PCDHGA4: variants seen among roughly 807,000 people sequenced by gnomAD.
PCDHGA4 encodes the protein protocadherin gamma-A4.
PCDHGA4 carries 38 observed loss-of-function variants against 54.6 expected under a neutral mutation model. The ratio of observed to expected loss-of-function variants is 0.70; its 90% CI spans 0.54 to 0.91. PCDHGA4 has a LOEUF of 0.91. Ranked by LOEUF, PCDHGA4 falls within the 40% of genes least tolerant of loss-of-function variation. The pLI, the probability that PCDHGA4 is intolerant of heterozygous loss-of-function variation, is 0.00. For missense variants in PCDHGA4, 1,298 were observed against 1,220.9 expected (o/e 1.06, Z -0.94); for synonymous variants, 511 against 512.9 (o/e 1.00, Z 0.05).
At chr5:141,414,239 C>T in intron 1 of PCDHGA4, 1 of 1,613,498 alleles carries the variant, frequency 6.2e-7, no homozygotes, top group Non-Finnish European at 8.5e-7. Context: ...ACCATCACGT[C>T]TCTATTTAGT....
At position 141,431,555 on chromosome 5, in the gene PCDHGA4, G is replaced by A. The variant is rs2097394199; in HGVS notation, c.2515-63252G>A. On this transcript the variant is annotated intron_variant, in intron 1 of 3. Transcript: ENST00000571252. This position sits in a 1 kb window ranked among gnomAD's most constrained non-coding sequence, Gnocchi z 4.8. The stretch of plus-strand genomic sequence containing the variant: ...GGGCACGCAGCTGCTTGTAGTCAAC[G>A]CTACCGACCCTGACGAAGGAGTCAA... 1 of 1,614,014 alleles carries A rather than the reference G, an allele frequency of 6.2e-7. No individual in the cohort carries two copies. The highest frequency in any genetic ancestry group is 8.5e-7 in the Non-Finnish European group (1 of 1,180,032).
intron 1 of PCDHGA4, chr5:141,392,972 G>C (rs2092640426): frequency 6.2e-7 from 1 of 1,613,802 alleles, no homozygotes; most frequent in African/African-American, 1.3e-5. Context: ...AGGACCTGGG[G>C]CTGGACCCCC....
Position 141,491,713 on chromosome 5 carries a change from G to T in PCDHGA4, c.2515-3094G>T. The T allele has an allele frequency of 6.2e-7, 1 of 1,609,174 alleles. No individual in the cohort carries two copies. The highest frequency in any genetic ancestry group is 8.5e-7 in the Non-Finnish European group (1 of 1,178,054). On this transcript the variant is annotated intron_variant, in intron 1 of 3. Transcript: ENST00000571252. The surrounding 1 kb of genome is among the most constrained non-coding windows in gnomAD (Gnocchi z 6.9). ...GGAGCGGAGCCAGGTGAGGGGCTCG[G>T]CGCCGCCCCGGGCGACCCCTGGGGG...
rs571977774 is a variant in PCDHGA4 at position 141,375,523 on chromosome 5, C to G, written c.2514+17902C>G. ...TCTCTGTGAATGCACTGGACCCTGA[C>G]GTGGACCAGAACGCCCAAGTCTCCT... On this transcript the variant is annotated intron_variant, in intron 1 of 3. Coordinates refer to ENST00000571252, the MANE Select transcript of PCDHGA4 (RefSeq NM_018917.4). The G allele has an allele frequency of 1.6e-4, 253 of 1,614,032 alleles. 3 individuals are homozygous for G. The Admixed American group carries it at 4.2e-3, about 27-fold the overall frequency.
At position 141,511,462 on chromosome 5, in the gene PCDHGA4, C is replaced by A. The variant is rs1385398410; in HGVS notation, c.*289C>A. ...AGACACCAAGAACCATTTGCCACAC[C>A]CCGTTTAGTTACAGCTGAACTCCTC... On this transcript the variant is annotated 3_prime_UTR_variant, in exon 4 of 4. Coordinates refer to ENST00000571252, the MANE Select transcript of PCDHGA4 (RefSeq NM_018917.4). The A allele has an allele frequency of 4.7e-5, 26 of 556,350 alleles. No individual in the cohort carries two copies. Among genetic ancestry groups the A allele is most frequent in the Non-Finnish European group, 9.1e-6 (3 of 329,202 alleles). 34.5% of individuals were successfully genotyped at this position (556,350 alleles called of 1,614,324 possible). A position where few individuals can be genotyped will look rare whatever the true frequency, so the allele number is the denominator to read the frequency against.
intron 1 of PCDHGA4, chr5:141,399,180 G>T (rs1454578078): frequency 3.7e-6 from 6 of 1,613,798 alleles, no homozygotes; most frequent in Admixed American, 1.7e-5. Flanking sequence ...TACTTGAAAT[G>T]ATTCTGGAAA....
chr5:141,356,631 AG>A lies in PCDHGA4; in HGVS notation c.1525del (p.Asp509ThrfsTer54), dbSNP rs769542220. On this transcript the variant is annotated frameshift_variant, in exon 1 of 4. Coordinates refer to ENST00000571252, the MANE Select transcript of PCDHGA4 (RefSeq NM_018917.4). LOFTEE classifies it high-confidence loss of function. ...GASILSMTAQ[D>X]PDSGDNARIT... ...CCTCCATCTTATCTATGACTGCTCAAGACCCTGACAGTGGTGACAATGCCCG... is the reference window on the plus strand; with the variant it reads ...CCTCCATCTTATCTATGACTGCTCAAACCCTGACAGTGGTGACAATGCCCG... 2 of 1,614,168 alleles carry A rather than the reference AG, an allele frequency of 1.2e-6. No individual in the cohort carries two copies. Among genetic ancestry groups the A allele is most frequent in the Non-Finnish European group, 1.7e-6 (2 of 1,179,994 alleles).
At chr5:141,466,279 T>A (rs1386803685) in intron 1 of PCDHGA4, among the ~76,000 whole-genome samples, 1 of 152,144 alleles carries the variant, frequency 6.6e-6, no homozygotes, top group Non-Finnish European at 1.5e-5. Flanking sequence ...CAAGCAATCT[T>A]CCCACCTCAG....
chr5:141,451,565 C>A (rs1336048717), intron 1 of PCDHGA4, among the ~76,000 whole-genome samples: 2 of 152,062 alleles, frequency 1.3e-5, no homozygotes, highest in South Asian at 2.1e-4. Flanking sequence ...AAGCCACAAT[C>A]TTTTTATAAA....
At chr5:141,404,861 G>A in intron 1 of PCDHGA4, 1 of 1,613,848 alleles carries the variant, frequency 6.2e-7, no homozygotes, top group Non-Finnish European at 8.5e-7. Context: ...AGATAGAGAT[G>A]CGCTCAAACA....
At position 141,356,888 on chromosome 5, in the gene PCDHGA4, T is replaced by C; in HGVS notation, c.1781T>C (p.Leu594Pro). Residue 594 changes from leucine (L) to proline (P), a missense_variant, in exon 1 of 4, where the codon CTG (leucine) becomes CCG (proline). By Grantham distance (98) the Leu-to-Pro change is moderately conservative. Coordinates refer to ENST00000571252, the MANE Select transcript of PCDHGA4 (RefSeq NM_018917.4). Reference protein sequence around the residue: ...LDQNDNVPEILYPTFPTDGST... With the variant: ...LDQNDNVPEIPYPTFPTDGST... The stretch of plus-strand genomic sequence containing the variant: ...CAGAACGACAATGTCCCTGAGATCC[T>C]GTACCCCACCTTCCCTACTGATGGC... The C allele has an allele frequency of 6.2e-7, 1 of 1,614,236 alleles. No individual in the cohort carries two copies. Among genetic ancestry groups the C allele is most frequent in the Non-Finnish European group, 8.5e-7 (1 of 1,180,034 alleles).
At chr5:141,381,826 C>T (rs867772225) in intron 1 of PCDHGA4, among the ~76,000 whole-genome samples, 29 of 74,288 alleles carry the variant, frequency 3.9e-4, no homozygotes, top group Admixed American at 9.7e-4. Flanking sequence ...CTTTCTTCTT[C>T]TTTTTTTTTT....
At chr5:141,501,540 A>G (rs151047391) in intron 2 of PCDHGA4, among the ~76,000 whole-genome samples, 2 of 152,138 alleles carry the variant, frequency 1.3e-5, no homozygotes, top group East Asian at 3.9e-4. Flanking sequence ...GTTGTTGTGC[A>G]TAAGATCATA....
At chr5:141,418,603 G>C in intron 1 of PCDHGA4, 1 of 1,614,020 alleles carries the variant, frequency 6.2e-7, no homozygotes, top group Non-Finnish European at 8.5e-7. Context: ...ACGTGTACAG[G>C]GTTAGCCTTC....
At chr5:141,499,022 AAGG>A (rs2099788758) in intron 2 of PCDHGA4, among the ~76,000 whole-genome samples, 3 of 150,722 alleles carry the variant, frequency 2.0e-5, no homozygotes, top group Non-Finnish European at 3.0e-5. Context: ...GGAAGGAAGG[AAGG>A]AAGAAAAGAA....
chr5:141,399,608 C>T (rs767025311), intron 1 of PCDHGA4: 3 of 1,613,962 alleles, frequency 1.9e-6, no homozygotes, highest in Non-Finnish European at 2.5e-6. Flanking sequence ...GACCTAGAGC[C>T]TCTGGCACTG....
chr5:141,444,494 A>G (rs892854259), intron 1 of PCDHGA4, among the ~76,000 whole-genome samples: 1 of 152,010 alleles, frequency 6.6e-6, no homozygotes, highest in Admixed American at 6.6e-5. Flanking sequence ...ATATTGTGTA[A>G]TACTTTGCTC....
intron 3 of PCDHGA4, among the ~76,000 whole-genome samples, chr5:141,507,772 A>C (rs2099863177): frequency 6.6e-6 from 1 of 152,332 alleles, no homozygotes; most frequent in South Asian, 2.1e-4. Flanking sequence ...TGGCCCACAC[A>C]GGGCCTGACC....
chr5:141,411,079 T>C (rs1178503371), intron 1 of PCDHGA4: 2 of 154,384 alleles, frequency 1.3e-5, no homozygotes, highest in African/African-American at 2.4e-5. Flanking sequence ...CAGAAACTCC[T>C]GTCCTCGTGA....
Sources: gnomAD v4.1 joint callset for allele counts (sites outside exome capture counted in the v4.1 genomes callset) on GRCh38, gnomAD v4.1.1 for gene constraint, Gnocchi (gnomAD v3.1) non-coding constraint, MANE v1.5 for transcripts, NCBI Gene and HGNC (gene_info 2026-07-23, HGNC 2026-07-21) for gene names.